DSCAM: variants seen among roughly 807,000 people sequenced by gnomAD.
DSCAM encodes the protein cell adhesion molecule DSCAM.
DSCAM carries 47 observed loss-of-function variants against 217.7 expected under a neutral mutation model. That is an observed-to-expected ratio of 0.22 (90% CI 0.17 to 0.28). The LOEUF (loss-of-function observed/expected upper bound fraction) is 0.28, where lower values mean the gene tolerates loss of function less well. Ranked by LOEUF, DSCAM falls within the 10% of genes least tolerant of loss-of-function variation. The pLI is 1.00. For synonymous variants in DSCAM, 1,056 were observed against 1,015.3 expected, an observed-to-expected ratio of 1.04 and a Z score of -0.76; for missense variants, 2,080 against 2,618.3, an observed-to-expected ratio of 0.79 and a Z score of 4.49.
chr21:40,065,877 GC>G (rs1321094095), intron 27 of DSCAM, among the ~76,000 whole-genome samples: 1 of 152,192 alleles, frequency 6.6e-6, no homozygotes, highest in Non-Finnish European at 1.5e-5. Flanking sequence ...CACTGCAACA[GC>G]CCTCATTAGC....
At chr21:40,615,506 G>C (rs151244319) in intron 3 of DSCAM, 1 of 151,752 alleles carries the variant, frequency 6.6e-6, no homozygotes, top group African/African-American at 2.4e-5. Flanking sequence ...AAACGTGGTG[G>C]GTAAGAAAGT....
rs143269621 is a variant in DSCAM, at chr21:40,466,584, T to C, written c.509-97339A>G. ...TTTATTTCTTAAATGGACTTGAAAC[T>C]GTTTGTTTGTTTTGTTTTGTTTTTT... On this transcript the variant is annotated intron_variant, in intron 3 of 32. Coordinates refer to ENST00000400454, the MANE Select transcript of DSCAM (RefSeq NM_001389.5). Among the ~76,000 whole-genome samples, 335 of 150,958 alleles carry C rather than the reference T, an allele frequency of 2.2e-3. 1 individual carries two copies. Among genetic ancestry groups the C allele is most frequent in the African/African-American group, 7.8e-3 (317 of 40,450 alleles).
intron 3 of DSCAM, among the ~76,000 whole-genome samples, chr21:40,646,403 A>T (rs1176516786): frequency 8.3e-6 from 1 of 120,596 alleles, no homozygotes; most frequent in Admixed American, 9.7e-5. Flanking sequence ...AGAGTGAGAG[A>T]CTCTGTCAAA....
At chr21:40,267,615 G>C in intron 11 of DSCAM, among the ~76,000 whole-genome samples, 1 of 152,148 alleles carries the variant, frequency 6.6e-6, no homozygotes, top group East Asian at 1.9e-4. Context: ...CTGGATTATG[G>C]GCCGGGTGTG....
At chr21:40,457,477 A>AC (rs1394553405) in intron 3 of DSCAM, among the ~76,000 whole-genome samples, 45 of 151,920 alleles carry the variant, frequency 3.0e-4, no homozygotes, top group Non-Finnish European at 1.5e-5. Flanking sequence ...GCACCACGGC[A>AC]CCCCAGCCTG....
intron 1 of DSCAM, among the ~76,000 whole-genome samples, chr21:40,742,974 T>G (rs2091138846): frequency 1.3e-5 from 2 of 152,220 alleles, no homozygotes; most frequent in Admixed American, 1.3e-4. Flanking sequence ...AGTCAGAGTT[T>G]GAATGCCTCT....
chr21:40,607,169 T>C (rs2089250845), intron 3 of DSCAM, among the ~76,000 whole-genome samples: 1 of 152,208 alleles, frequency 6.6e-6, no homozygotes, highest in Admixed American at 6.5e-5. Context: ...TACATACCTT[T>C]TCAGAAATCA....
intron 1 of DSCAM, among the ~76,000 whole-genome samples, chr21:40,745,551 T>C (rs922704797): frequency 1.6e-4 from 24 of 152,136 alleles, no homozygotes; most frequent in Admixed American, 9.8e-4. Flanking sequence ...ATAGTTCACA[T>C]GGAAAATGTA....
At chr21:40,224,113 A>AT (rs986120411) in intron 11 of DSCAM, among the ~76,000 whole-genome samples, 4 of 152,198 alleles carry the variant, frequency 2.6e-5, no homozygotes, top group South Asian at 2.1e-4. Flanking sequence ...AAAAATGGGG[A>AT]TTTTTTAACT....
At chr21:40,554,454 G>A (rs919810814) in intron 3 of DSCAM, among the ~76,000 whole-genome samples, 9 of 152,074 alleles carry the variant, frequency 5.9e-5, no homozygotes, top group African/African-American at 2.2e-4. Context: ...GCCTTTCAGG[G>A]ACCCCTCAAG....
At chr21:40,271,596 G>A (rs1016092698) in intron 11 of DSCAM, among the ~76,000 whole-genome samples, 5 of 152,136 alleles carry the variant, frequency 3.3e-5, no homozygotes, top group Non-Finnish European at 5.9e-5. Flanking sequence ...CCCCAAATTC[G>A]TTTAGCCAAA....
At chr21:40,420,356 C>T (rs928769176) in intron 3 of DSCAM, among the ~76,000 whole-genome samples, 10 of 152,046 alleles carry the variant, frequency 6.6e-5, no homozygotes, top group South Asian at 2.1e-4. Context: ...TTTCTTTATC[C>T]GTATCAAAAG....
rs548896329 is a variant in DSCAM, at chr21:40,244,883, G to A, written c.2356+31214C>T. ...TTATGATTTGCATGCAGAAGTACTT[G>A]AAAATCTGTACTGGCAATTAGCTAA... On this transcript the variant is annotated intron_variant, in intron 11 of 32. Transcript: ENST00000400454. 1.1e-4 allele frequency among the ~76,000 whole-genome samples: 16 copies of A among 152,226 alleles called. No individual in the cohort carries two copies. The East Asian group carries it at 2.9e-3, about 28-fold the overall frequency.
chr21:40,088,373 T>C (rs1159938519), intron 21 of DSCAM, among the ~76,000 whole-genome samples: 2 of 152,180 alleles, frequency 1.3e-5, no homozygotes, highest in Non-Finnish European at 1.5e-5. Flanking sequence ...AGGGAAGCTC[T>C]AGAATCCCTG....
At chr21:40,177,601 G>A (rs147129113) in intron 15 of DSCAM, among the ~76,000 whole-genome samples, 108 of 152,262 alleles carry the variant, frequency 7.1e-4, no homozygotes, top group Middle Eastern at 3.4e-3. Context: ...GACTTCTTAG[G>A]ATTTAATCTA....
chr21:40,557,637 T>C (rs1344598656), intron 3 of DSCAM, among the ~76,000 whole-genome samples: 1 of 152,162 alleles, frequency 6.6e-6, no homozygotes, highest in African/African-American at 2.4e-5. Context: ...GCCCAGCTGC[T>C]TCCTTTTTTC....
At chr21:40,558,380 G>A (rs979133468) in intron 3 of DSCAM, among the ~76,000 whole-genome samples, 6 of 151,928 alleles carry the variant, frequency 3.9e-5, no homozygotes, top group Middle Eastern at 6.8e-3. Context: ...CCTGGGAGGC[G>A]GAGCTTGCAG....
chr21:40,475,704 G>A (rs547024494), intron 3 of DSCAM, among the ~76,000 whole-genome samples: 6 of 152,140 alleles, frequency 3.9e-5, no homozygotes, highest in Middle Eastern at 3.4e-3. Flanking sequence ...GGTGGCATGC[G>A]CCTGTAATCC....
At chr21:40,802,231 G>T (rs2091748128) in intron 1 of DSCAM, among the ~76,000 whole-genome samples, 1 of 152,216 alleles carries the variant, frequency 6.6e-6, no homozygotes, top group Non-Finnish European at 1.5e-5. Context: ...ATTAATGTCT[G>T]CCCTGCTGGG....
Sources: allele counts gnomAD v4.1 joint callset (sites outside exome capture counted in the v4.1 genomes callset), GRCh38; gene constraint gnomAD v4.1.1; transcripts MANE v1.5; gene names NCBI Gene and HGNC (gene_info 2026-07-23, HGNC 2026-07-21).